Variants in MEGF8 observed in about 807,000 individuals in gnomAD.
MEGF8 encodes the protein multiple epidermal growth factor-like domains protein 8.
Under a neutral mutation model 302.9 loss-of-function variants are expected in MEGF8, and 156 were observed. The observed-to-expected ratio is 0.52, with a 90% CI of 0.45 to 0.59. The LOEUF (loss-of-function observed/expected upper bound fraction) is 0.59, where lower values mean the gene tolerates loss of function less well. MEGF8 is among the 20% of genes least tolerant of loss of function. The pLI is 0.00. For synonymous variants in MEGF8, 1,621 were observed against 1,660.5 expected (o/e 0.98, Z 0.58); for missense variants, 3,345 against 3,964.5 (o/e 0.84, Z 4.20).
In MEGF8 at chr19:42,369,375, G is replaced by A. The variant is rs905602142; in HGVS notation, c.6642-156G>A. ...GAGAGGGTTGTGGGCTACACCTGGA[G>A]GGGGTGGTGGGCTAGATCCTGAAGA... On this transcript the variant is annotated intron_variant, in intron 37 of 41. Coordinates refer to ENST00000251268, the MANE Select transcript of MEGF8 (RefSeq NM_001271938.2). The surrounding 1 kb of genome is among the most constrained non-coding windows in gnomAD (Gnocchi z 5.7). Among the ~76,000 whole-genome samples, 2 of 152,122 alleles carry A rather than the reference G, an allele frequency of 1.3e-5. No homozygotes were observed. Among genetic ancestry groups the A allele is most frequent in the Non-Finnish European group, 2.9e-5 (2 of 68,034 alleles).
At position 42,344,513 on chromosome 19, in the gene MEGF8, C is replaced by G; in HGVS notation, c.1861C>G (p.Pro621Ala). Residue 621 changes from proline to alanine, a missense_variant, in exon 11 of 42, where the codon CCC becomes GCC. Coordinates refer to ENST00000251268, the MANE Select transcript of MEGF8 (RefSeq NM_001271938.2). The surrounding 1 kb of genome is among the most constrained non-coding windows in gnomAD (Gnocchi z 4.5). ...DCQACLAFSS[P>A]TAPPRGPGTL... Reference sequence around the variant, plus strand: ...CCAGGCCTGCCTGGCCTTCAGCAGCCCCACAGCCCCTCCACGGGGACCTGG... The same window carrying G: ...CCAGGCCTGCCTGGCCTTCAGCAGCGCCACAGCCCCTCCACGGGGACCTGG... 1 of 1,599,532 alleles carries G rather than the reference C, an allele frequency of 6.3e-7. No individual in the cohort carries two copies. The highest frequency in any genetic ancestry group is 2.2e-5 in the East Asian group (1 of 44,844).
rs771715982 is a variant in MEGF8, at chr19:42,333,723, A to G, written c.306A>G (p.Leu102=). 2.5e-6 allele frequency: 4 copies of G among 1,613,938 alleles called. No individual in the cohort carries two copies. The East Asian group carries it at 6.7e-5, about 27-fold the overall frequency. ...DSPRGPLLAS[L]SGSTRPPPIE... ...CGCGAGGGCCGCTGCTTGCCAGTCT[A>G]AGTGGGAGCACCCGACCTCCGCCCA... The change falls in exon 2 of 42, where the codon CTA becomes CTG. Residue 102 remains leucine, a synonymous_variant. Transcript: ENST00000251268.
chr19:42,351,756 G>A lies in MEGF8; in HGVS notation c.3096G>A (p.Leu1032=), dbSNP rs1448772992. Residue 1032 remains leucine (L), a synonymous_variant, in exon 18 of 42, where the codon CTG becomes CTA. Coordinates refer to ENST00000251268, the MANE Select transcript of MEGF8 (RefSeq NM_001271938.2). This position sits in a 1 kb window ranked among gnomAD's most constrained non-coding sequence, Gnocchi z 5.6. ...GWCGNEDNPT[L]GRCLQGDFSG... is the part of the protein sequence containing the mutation. ...GTGGCAATGAGGACAACCCCACACT[G>A]GGACGGTGAGCCCGGGCAGGTGGGT... 1.3e-6 allele frequency: 2 copies of A among 1,573,748 alleles called. No individual in the cohort carries two copies. The highest frequency in any genetic ancestry group is 1.7e-6 in the Non-Finnish European group (2 of 1,160,440).
At chr19:42,333,888 G>A in intron 2 of MEGF8, 119 bp from the exon 3 acceptor site, 3 of 1,520,424 alleles carry the variant, frequency 2.0e-6, no homozygotes, top group South Asian at 1.3e-5. Context: ...GGTGGAGAGA[G>A]GCAAAGGAAG....
At position 42,357,291 on chromosome 19, in the gene MEGF8, C is replaced by T. The variant is rs1263213380; in HGVS notation, c.4831-113C>T. 7 of 1,322,502 alleles carry T rather than the reference C, an allele frequency of 5.3e-6. No homozygotes were observed. In the African/African-American group the frequency reaches 7.3e-5, roughly 14 times the overall value. The allele number at this position is 1,322,502 out of a possible 1,614,324, so 81.9% of individuals were successfully genotyped here. ...CTGGTCCGACTGGCCCTGGGGGGGT[C>T]ATTCCCTCCTTAGTACTTCAGGGAG... is the stretch of plus-strand genomic sequence containing the variant. On this transcript the variant is annotated intron_variant, in intron 27 of 41. Coordinates refer to ENST00000251268, the MANE Select transcript of MEGF8 (RefSeq NM_001271938.2). This position sits in a 1 kb window ranked among gnomAD's most constrained non-coding sequence, Gnocchi z 5.2.
At chr19:42,350,471 G>A (rs2039352639) in intron 15 of MEGF8, 87 bp downstream of exon 15, 1 of 1,262,506 alleles carries the variant, frequency 7.9e-7, no homozygotes, top group Non-Finnish European at 1.1e-6. Flanking sequence ...GGTGGGGGGT[G>A]TGGGGGAAAC....
At position 42,353,048 on chromosome 19, in the gene MEGF8, C is replaced by A. The variant is rs1420551388; in HGVS notation, c.3471C>A (p.Pro1157=). The change falls in exon 20 of 42, where the codon CCC becomes CCA. Residue 1157 remains proline, a synonymous_variant. Transcript: ENST00000251268. The surrounding 1 kb of genome is among the most constrained non-coding windows in gnomAD (Gnocchi z 6.1). ...CACCCGCCCCGGGTCCGCCAGCCCC[C>A]CGCTGCTCCCGGGACTGTGGCTGCA... ...PPTPAPGPPA[P]RCSRDCGCSF... is the part of the protein sequence containing the mutation. 2.6e-6 allele frequency: 4 copies of A among 1,552,514 alleles called. No homozygotes were observed. Among genetic ancestry groups the A allele is most frequent in the South Asian group, 2.4e-5 (2 of 84,124 alleles).
chr19:42,340,723 G>A (rs851292), intron 8 of MEGF8, among the ~76,000 whole-genome samples: 9,649 of 151,642 alleles, frequency 0.064, 370 homozygotes, highest in South Asian at 0.16. Flanking sequence ...GCTGGAGTGC[G>A]GTAGCATAGT....
intron 15 of MEGF8, among the ~76,000 whole-genome samples, chr19:42,350,754 G>A (rs535398650): frequency 1.3e-5 from 2 of 152,264 alleles, no homozygotes; most frequent in African/African-American, 4.8e-5. Flanking sequence ...AGTGGCAAGG[G>A]AGCCGTTAAG....
chr19:42,368,607 G>A lies in MEGF8; in HGVS notation c.6426G>A (p.Gly2142=), dbSNP rs772127120. The change falls in exon 36 of 42, where the codon GGG becomes GGA. Residue 2142 remains glycine (G), a synonymous_variant. Transcript: ENST00000251268. The surrounding 1 kb of genome is among the most constrained non-coding windows in gnomAD (Gnocchi z 4.9). ...CCCATTGCGGCTGGTGTGCCTGGGG[G>A]GGCCAGGATGGGGGTGGCCGCTGCA... is the stretch of plus-strand genomic sequence containing the variant. The part of the protein sequence containing the change: ...RRPHCGWCAW[G]GQDGGGRCME... 15 of 1,570,812 alleles carry A rather than the reference G, an allele frequency of 9.5e-6. No individual in the cohort carries two copies. The African/African-American group carries it at 1.6e-4, about 17-fold the overall frequency.
rs1444021659 is a variant in MEGF8, at chr19:42,356,352, C to T, written c.4521C>T (p.Phe1507=). The change falls in exon 26 of 42, where the codon TTC becomes TTT. Residue 1507 remains phenylalanine, a synonymous_variant. Coordinates refer to ENST00000251268, the MANE Select transcript of MEGF8 (RefSeq NM_001271938.2). The surrounding 1 kb of genome is among the most constrained non-coding windows in gnomAD (Gnocchi z 5.2). ...SRLSADTASR[F]LHRLGHTMVD... ...ACCCCTAGGACACTGCCAGCCGCTT[C>T]CTGCACCGCCTGGGCCACACCATGG... 1.6e-5 allele frequency: 25 copies of T among 1,612,842 alleles called. No individual in the cohort carries two copies. Among genetic ancestry groups the T allele is most frequent in the Non-Finnish European group, 2.0e-5 (24 of 1,179,542 alleles).
Position 42,340,852 on chromosome 19 carries a change from G to C in MEGF8, c.1514-2625G>C, listed in dbSNP as rs112507982. ...CTGGCTAATTTTTGTATTTTTGGTA[G>C]AGTTGAAGTTTTGCCATGTTTGCCA... On this transcript the variant is annotated intron_variant, in intron 8 of 41. Coordinates refer to ENST00000251268, the MANE Select transcript of MEGF8 (RefSeq NM_001271938.2). Among the ~76,000 whole-genome samples, 202 of 151,776 alleles carry C rather than the reference G, an allele frequency of 1.3e-3. 2 individuals are homozygous for C. Among genetic ancestry groups the C allele is most frequent in the African/African-American group, 4.4e-3 (182 of 41,374 alleles).
In MEGF8 at chr19:42,344,004, G is replaced by C. The variant is rs1432541162; in HGVS notation, c.1719G>C (p.Arg573=). Residue 573 remains arginine (R), a synonymous_variant, in exon 10 of 42, where the codon CGG becomes CGC. Transcript: ENST00000251268. This position sits in a 1 kb window ranked among gnomAD's most constrained non-coding sequence, Gnocchi z 4.5. ...SMYTDHSVCS[R]DPECSWCQGA... ...ACACAGACCACAGCGTCTGCTCCCGGGACCCGGAATGCAGTTGGTGCCAAG... is the reference window on the plus strand; with the variant it reads ...ACACAGACCACAGCGTCTGCTCCCGCGACCCGGAATGCAGTTGGTGCCAAG... The C allele has an allele frequency of 6.2e-7, 1 of 1,613,764 alleles. No homozygotes were observed. Among genetic ancestry groups the C allele is most frequent in the South Asian group, 1.1e-5 (1 of 91,078 alleles).
In MEGF8 at chr19:42,354,113, T is replaced by G; in HGVS notation, c.4011+89T>G. On this transcript the variant is annotated intron_variant, in intron 22 of 41. Coordinates refer to ENST00000251268, the MANE Select transcript of MEGF8 (RefSeq NM_001271938.2). This position sits in a 1 kb window ranked among gnomAD's most constrained non-coding sequence, Gnocchi z 4.3. ...GCATCCTCAGACCCTGACCCTAGTA[T>G]TGCTGTTTTTTTTTTTTTGTTTTTT... The G allele has an allele frequency of 7.1e-7, 1 of 1,416,096 alleles. No homozygotes were observed. Among genetic ancestry groups the G allele is most frequent in the African/African-American group, 1.5e-5 (1 of 68,342 alleles). 87.7% of individuals were successfully genotyped at this position (1,416,096 alleles called of 1,614,324 possible).
At position 42,344,601 on chromosome 19, in the gene MEGF8, A is replaced by G. The variant is rs2039261655; in HGVS notation, c.1933+16A>G. 6.3e-7 allele frequency: 1 copy of G among 1,583,642 alleles called. No homozygotes were observed. The highest frequency in any genetic ancestry group is 8.6e-7 in the Non-Finnish European group (1 of 1,163,930). On this transcript the variant is annotated intron_variant, in intron 11 of 41. Transcript: ENST00000251268. This position sits in a 1 kb window ranked among gnomAD's most constrained non-coding sequence, Gnocchi z 4.5. ...CCTAGGCCTGGTGAGTGTCCGCAGC[A>G]GTGGGCCGGCAGGAGGGGGCCAGAG...
Position 42,344,664 on chromosome 19 carries a change from T to G in MEGF8, c.1934-6T>G, listed in dbSNP as rs916668933. On this transcript the variant is annotated splice_region_variant and splice_polypyrimidine_tract_variant and intron_variant, in intron 11 of 41. Coordinates refer to ENST00000251268, the MANE Select transcript of MEGF8 (RefSeq NM_001271938.2). The surrounding 1 kb of genome is among the most constrained non-coding windows in gnomAD (Gnocchi z 4.5). ...ACCCACCGGCCCCCACCCCCTGTCT[T>G]CTCAGAGCAGGCCCGCTGCCGAGGG... 3 of 1,569,082 alleles carry G rather than the reference T, an allele frequency of 1.9e-6. No individual in the cohort carries two copies. Among genetic ancestry groups the G allele is most frequent in the Admixed American group, 3.6e-5 (2 of 55,830 alleles).
In MEGF8 at chr19:42,375,639, C is replaced by T. The variant is rs949896957; in HGVS notation, c.7402C>T (p.Arg2468Trp). ...CAACTGCTTCCATGAGCCCAAACGC[C>T]GGGCGCTAGGCCCCGGCCGCACTGT... ...QTNCFHEPKR[R>W]ALGPGRTVLF... Residue 2468 changes from arginine to tryptophan, a missense_variant, in exon 42 of 42, where the codon CGG (arginine) becomes TGG (tryptophan). Physicochemically the swap from Arg to Trp is moderately radical, Grantham distance 101. Transcript: ENST00000251268. This position sits in a 1 kb window ranked among gnomAD's most constrained non-coding sequence, Gnocchi z 7.1. 9.9e-6 allele frequency: 16 copies of T among 1,609,014 alleles called. No homozygotes were observed. The highest frequency in any genetic ancestry group is 1.1e-5 in the Non-Finnish European group (13 of 1,178,322).
In MEGF8 at chr19:42,343,478, C is replaced by T. The variant is rs201031505; in HGVS notation, c.1515C>T (p.Gly505=). 3 of 1,597,352 alleles carry T rather than the reference C, an allele frequency of 1.9e-6. No homozygotes were observed. Among genetic ancestry groups the T allele is most frequent in the East Asian group, 2.3e-5 (1 of 44,416 alleles). Residue 505 remains glycine (G), a splice_region_variant and synonymous_variant, in exon 9 of 42, where the codon GGC becomes GGT. Coordinates refer to ENST00000251268, the MANE Select transcript of MEGF8 (RefSeq NM_001271938.2). ...TCATTGGGGTCTCTATTCCCCTAGGCCGAGCAGCGCCTCCCAGTGGTCGGT... is the reference window on the plus strand; with the variant it reads ...TCATTGGGGTCTCTATTCCCCTAGGTCGAGCAGCGCCTCCCAGTGGTCGGT... ...AELAPPGTPE[G]RAAPPSGRYS...
chr19:42,355,384 G>A (rs1413890111), intron 23 of MEGF8, among the ~76,000 whole-genome samples: 1 of 152,180 alleles, frequency 6.6e-6, no homozygotes, highest in African/African-American at 2.4e-5. Context: ...GGCAGTAGGA[G>A]TTGTGGAAGG....
Sources: allele counts gnomAD v4.1 joint callset (sites outside exome capture counted in the v4.1 genomes callset), GRCh38; gene constraint gnomAD v4.1.1; non-coding constraint Gnocchi (gnomAD v3.1); transcripts MANE v1.5; gene names NCBI Gene and HGNC (gene_info 2026-07-23, HGNC 2026-07-21).